Variants in SURF6 observed in about 807,000 individuals in gnomAD.
The protein encoded by SURF6 is surfeit 6.
SURF6 carries 28 observed loss-of-function variants against 37.5 expected under a neutral mutation model. The observed-to-expected ratio is 0.75, with a 90% CI of 0.55 to 1.02. The LOEUF is 1.02. SURF6 is among the 50% of genes least tolerant of loss of function. The pLI, the probability that SURF6 is intolerant of heterozygous loss-of-function variation, is 0.00. For synonymous variants in SURF6, 248 were observed against 210.9 expected (o/e 1.18, Z -1.52); for missense variants, 560 against 490.5 (o/e 1.14, Z -1.34).
Position 133,331,666 on chromosome 9 carries a change from G to A in SURF6, c.*203C>T, listed in dbSNP as rs960744771. On this transcript the variant is annotated 3_prime_UTR_variant, in exon 5 of 5. Coordinates refer to ENST00000372022, the MANE Select transcript of SURF6 (RefSeq NM_006753.6). ...TGGGTCTGAAGGTCCCGGATCCTGCGTTCAAGGATGACGCTGAAACTCTCT... is the reference window on the plus strand; with the variant it reads ...TGGGTCTGAAGGTCCCGGATCCTGCATTCAAGGATGACGCTGAAACTCTCT... 6.0e-6 allele frequency: 4 copies of A among 661,830 alleles called. No homozygotes were observed. Among genetic ancestry groups the A allele is most frequent in the Non-Finnish European group, 6.6e-6 (3 of 453,136 alleles). The allele number at this position is 661,830 out of a possible 1,614,324, so 41.0% of individuals were successfully genotyped here. A position where few individuals can be genotyped will look rare whatever the true frequency, so the allele number is the denominator to read the frequency against.
Position 133,332,319 on chromosome 9 carries a change from G to C in SURF6, c.636C>G (p.Ser212Arg). The C allele has an allele frequency of 6.3e-7, 1 of 1,588,934 alleles. No individual in the cohort carries two copies. The highest frequency in any genetic ancestry group is 8.5e-7 in the Non-Finnish European group (1 of 1,170,000). ...TCTTCTCTTTTCTGCGCTGCGCCTT[G>C]CTGGCCGGCTCGTCTTCGCTCACCT... is the stretch of plus-strand genomic sequence containing the variant. ...KVEVSEDEPA[S>R]KAQRRKEKRQ... The change falls in exon 5 of 5, where the codon AGC becomes AGG. Residue 212 changes from serine (S) to arginine (R), a missense_variant. Physicochemically the swap from Ser to Arg is moderately radical, Grantham distance 110. Transcript: ENST00000372022.
intron 4 of SURF6, 100 bp from the exon 5 acceptor site, chr9:133,332,448 C>A: frequency 1.3e-6 from 2 of 1,539,500 alleles, no homozygotes; most frequent in Non-Finnish European, 1.7e-6. Context: ...CACCACCTTA[C>A]AGACATGATG....
chr9:133,332,352 G>T lies in SURF6; in HGVS notation c.607-4C>A. On this transcript the variant is annotated splice_polypyrimidine_tract_variant and splice_region_variant and intron_variant, in intron 4 of 4. Coordinates refer to ENST00000372022, the MANE Select transcript of SURF6 (RefSeq NM_006753.6). ...GCTCGTCTTCGCTCACCTCCACCTG[G>T]GAGGAAGGTATGACATCAGCTCATG... 1.3e-6 allele frequency: 2 copies of T among 1,569,382 alleles called. No homozygotes were observed. Among genetic ancestry groups the T allele is most frequent in the Non-Finnish European group, 1.7e-6 (2 of 1,160,332 alleles).
rs1203406213 is a variant in SURF6 at position 133,330,469 on chromosome 9, C to CG, written c.*1399_*1400insC. 6 of 152,196 alleles carry CG rather than the reference C, an allele frequency of 3.9e-5. No homozygotes were observed. The highest frequency in any genetic ancestry group is 5.9e-5 in the Non-Finnish European group (4 of 68,040). The allele number at this position is 152,196 out of a possible 1,614,324, so 9.4% of individuals were successfully genotyped here. On this transcript the variant is annotated 3_prime_UTR_variant, in exon 5 of 5. Transcript: ENST00000372022. ...CAGGCTAGCCTTGAACTCCTGATCT[C>CG]AAGTGATCCACCCGCCTCCCAAAGA...
chr9:133,333,967 C>T (rs1451085259), intron 2 of SURF6, among the ~76,000 whole-genome samples, 161 bp from the exon 3 acceptor site: 1 of 152,136 alleles, frequency 6.6e-6, no homozygotes, highest in Non-Finnish European at 1.5e-5. Flanking sequence ...CCTACAACAT[C>T]CTCCAGAACA....
At position 133,334,430 on chromosome 9, in the gene SURF6, T is replaced by C. The variant is rs1337729742; in HGVS notation, c.266A>G (p.Glu89Gly). Residue 89 changes from glutamate to glycine, a missense_variant, in exon 2 of 5, where the codon GAA (glutamate) becomes GGA (glycine). Coordinates refer to ENST00000372022, the MANE Select transcript of SURF6 (RefSeq NM_006753.6). ...GARRPEAAKE[E>G]AAWASSSAGN... ...TGCTGAGCTGGAAGCCCAAGCTGCT[T>C]CCTCTTTGGCTGCCTCAGGCCTCCT... 10 of 1,613,990 alleles carry C rather than the reference T, an allele frequency of 6.2e-6. No homozygotes were observed. Among genetic ancestry groups the C allele is most frequent in the Middle Eastern group, 1.6e-4 (1 of 6,062 alleles).
chr9:133,334,732 TC>T, intron 1 of SURF6, 131 bp from the exon 2 acceptor site: 1 of 1,068,646 alleles, frequency 9.4e-7, no homozygotes, highest in African/African-American at 1.6e-5. Context: ...GAGACACTGA[TC>T]CTAGAGCTCA....
rs1835783990 is a variant in SURF6, at chr9:133,332,876, C to A, written c.394-116G>T. On this transcript the variant is annotated intron_variant, in intron 3 of 4. Transcript: ENST00000372022. ...GCAGGTGAGAAAATCCTCACGCAAA[C>A]AAGGGGCCCGCGGAGTTCAATGTTC... 4 of 1,018,134 alleles carry A rather than the reference C, an allele frequency of 3.9e-6. No individual in the cohort carries two copies. In the Admixed American group the frequency reaches 6.9e-5, roughly 18 times the overall value. The allele number at this position is 1,018,134 out of a possible 1,614,324, so 63.1% of individuals were successfully genotyped here.
Position 133,332,592 on chromosome 9 carries a change from C to G in SURF6, c.562G>C (p.Ala188Pro), listed in dbSNP as rs2129919806. The change falls in exon 4 of 5, where the codon GCC becomes CCC. Residue 188 changes from alanine (A) to proline (P), a missense_variant. Coordinates refer to ENST00000372022, the MANE Select transcript of SURF6 (RefSeq NM_006753.6). ...GGCGGCTCCCGCGGCTCCGTGCAGG[C>G]CCCCTCTGGGGTTGCCTCCACCACC... is the stretch of plus-strand genomic sequence containing the variant. ...QEVVEATPEG[A>P]CTEPREPPGL... The G allele has an allele frequency of 6.2e-7, 1 of 1,610,002 alleles. No homozygotes were observed. Among genetic ancestry groups the G allele is most frequent in the Admixed American group, 1.7e-5 (1 of 60,020 alleles).
rs2129913709 is a variant in SURF6 at position 133,331,998 on chromosome 9, C to T, written c.957G>A (p.Gln319=). The change falls in exon 5 of 5, where the codon CAG becomes CAA. Residue 319 remains glutamine (Q), a synonymous_variant. Transcript: ENST00000372022. ...KRTAGVVEKM[Q]QRQDRRRQNL... ...TCTGCCGCCGCCGGTCCTGGCGCTG[C>T]TGCATCTTCTCCACCACGCCGGCCG... is the stretch of plus-strand genomic sequence containing the variant. 1 of 1,599,390 alleles carries T rather than the reference C, an allele frequency of 6.3e-7. No individual in the cohort carries two copies. The highest frequency in any genetic ancestry group is 8.5e-7 in the Non-Finnish European group (1 of 1,179,068).
At chr9:133,332,814 A>C (rs1835782358) in intron 3 of SURF6, 54 bp from the exon 4 acceptor site, 1 of 1,565,240 alleles carries the variant, frequency 6.4e-7, no homozygotes, top group Non-Finnish European at 8.7e-7. Flanking sequence ...AGGGTCCCCC[A>C]GCCTGGCCCA....
chr9:133,336,079 G>C lies in SURF6; in HGVS notation c.54C>G (p.Ile18Met), dbSNP rs1835870016. Residue 18 changes from isoleucine (I) to methionine (M), a missense_variant, in exon 1 of 5, where the codon ATC becomes ATG. By Grantham distance (10) the Ile-to-Met change is conservative (BLOSUM62 1). Transcript: ENST00000372022. ...GCTGTTCCGGGGCCGAATGGGAGCA[G>C]ATCTTCTTGGCCAGGCTCTGCAGGT... ...DAYLQSLAKKICSHSAPEQQA... is the reference protein window; with the variant it reads ...DAYLQSLAKKMCSHSAPEQQA... 6.2e-7 allele frequency: 1 copy of C among 1,612,870 alleles called. No individual in the cohort carries two copies. The highest frequency in any genetic ancestry group is 1.6e-4 in the Middle Eastern group (1 of 6,062).
rs1027965601 is a variant in SURF6 at position 133,332,269 on chromosome 9, G to A, written c.686C>T (p.Thr229Met). The change falls in exon 5 of 5, where the codon ACG (threonine) becomes ATG (methionine). Residue 229 changes from threonine to methionine, a missense_variant. Physicochemically the swap from Thr to Met is moderately conservative, Grantham distance 81. Coordinates refer to ENST00000372022, the MANE Select transcript of SURF6 (RefSeq NM_006753.6). ...EKRQRVKGNL[T>M]PLTGRNYRQL... ...CCGGTAGTTCCTCCCGGTCAGCGGCGTGAGGTTCCCCTTCACCCTCTGCCT... is the reference window on the plus strand; with the variant it reads ...CCGGTAGTTCCTCCCGGTCAGCGGCATGAGGTTCCCCTTCACCCTCTGCCT... 6 of 1,602,870 alleles carry A rather than the reference G, an allele frequency of 3.7e-6. No individual in the cohort carries two copies. The highest frequency in any genetic ancestry group is 1.3e-5 in the African/African-American group (1 of 75,050).
Position 133,332,004 on chromosome 9 carries a change from CT to C in SURF6, c.950del (p.Lys317ArgfsTer65). The C allele has an allele frequency of 6.3e-7, 1 of 1,599,908 alleles. No individual in the cohort carries two copies. Among genetic ancestry groups the C allele is most frequent in the African/African-American group, 1.3e-5 (1 of 75,034 alleles). On this transcript the variant is annotated frameshift_variant, in exon 5 of 5. Transcript: ENST00000372022. LOFTEE classifies it high-confidence loss of function. Reference sequence around the variant, plus strand: ...GCCGCCGGTCCTGGCGCTGCTGCATCTTCTCCACCACGCCGGCCGTGCGCTT... The same window carrying C: ...GCCGCCGGTCCTGGCGCTGCTGCATCTCTCCACCACGCCGGCCGTGCGCTT... ...WEKRTAGVVE[K>X]MQQRQDRRRQ...
rs1030390648 is a variant in SURF6, at chr9:133,330,196, G to T, written c.*1673C>A. ...TTATCTGTAGATGCACATACATTTA[G>T]GGGCTATGTTTTTTTGTGCTGCTTT... On this transcript the variant is annotated 3_prime_UTR_variant, in exon 5 of 5. Coordinates refer to ENST00000372022, the MANE Select transcript of SURF6 (RefSeq NM_006753.6). The T allele has an allele frequency of 6.6e-6, 1 of 152,134 alleles. No homozygotes were observed. Among genetic ancestry groups the T allele is most frequent in the African/African-American group, 2.4e-5 (1 of 41,412 alleles). The allele number at this position is 152,134 out of a possible 1,614,324, so 9.4% of individuals were successfully genotyped here.
At chr9:133,335,989 C>T in intron 1 of SURF6, 50 bp downstream of exon 1, 1 of 1,519,634 alleles carries the variant, frequency 6.6e-7, no homozygotes, top group Non-Finnish European at 9.0e-7. Context: ...GCTCCGGCCG[C>T]GTCCCCCGTT....
Position 133,332,142 on chromosome 9 carries a change from G to C in SURF6, c.813C>G (p.Thr271=). ...CGCCCTCCGCCTTGTAGAGGAGGTT[G>C]GTCCACTTCATCTTCGCCTCCAGCT... is the stretch of plus-strand genomic sequence containing the variant. ...AQELEAKMKW[T]NLLYKAEGVK... Residue 271 remains threonine, a synonymous_variant, in exon 5 of 5, where the codon ACC becomes ACG. Transcript: ENST00000372022. 1.2e-6 allele frequency: 2 copies of C among 1,610,882 alleles called. No individual in the cohort carries two copies. The highest frequency in any genetic ancestry group is 1.7e-6 in the Non-Finnish European group (2 of 1,179,928).
rs2129934006 is a variant in SURF6, at chr9:133,336,095, C to G, written c.38G>C (p.Ser13Thr). 12 of 1,612,872 alleles carry G rather than the reference C, an allele frequency of 7.4e-6. No homozygotes were observed. Among genetic ancestry groups the G allele is most frequent in the Admixed American group, 6.7e-5 (4 of 60,006 alleles). The change falls in exon 1 of 5, where the codon AGC (serine) becomes ACC (threonine). Residue 13 changes from serine to threonine, a missense_variant. Ser to Thr is a moderately conservative substitution (Grantham distance 58, BLOSUM62 1). Transcript: ENST00000372022. ...SLLAKDAYLQ[S>T]LAKKICSHSA... ...ATGGGAGCAGATCTTCTTGGCCAGG[C>G]TCTGCAGGTAGGCGTCCTTGGCGAG...
chr9:133,335,053 G>A (rs2129929777), intron 1 of SURF6, among the ~76,000 whole-genome samples: 1 of 152,124 alleles, frequency 6.6e-6, no homozygotes, highest in African/African-American at 2.4e-5. Flanking sequence ...TCCACTTCTC[G>A]AGTTCAAGCG....
Sources: allele counts gnomAD v4.1 joint callset (sites outside exome capture counted in the v4.1 genomes callset), GRCh38; gene constraint gnomAD v4.1.1; transcripts MANE v1.5; gene names NCBI Gene and HGNC (gene_info 2026-07-23, HGNC 2026-07-21).